The following SNX30 variants were observed in gnomAD, a reference collection of about 807,000 sequenced individuals.
SNX30 encodes the protein sorting nexin-30.
A neutral mutation model predicts 46.4 loss-of-function variants in SNX30; 24 were observed. That is an observed-to-expected ratio of 0.52 (90% confidence interval 0.37 to 0.73). The LOEUF (loss-of-function observed/expected upper bound fraction) is 0.73, where lower values mean the gene tolerates loss of function less well. Among genes scored for constraint, SNX30 ranks in the 30% least tolerant of loss-of-function variants. The pLI is 0.00. For missense variants in SNX30, 533 were observed against 555.7 expected (o/e 0.96, Z 0.41); for synonymous variants, 189 against 211.5 (o/e 0.89, Z 0.92).
chr9:112,822,439 C>T (rs549445594), intron 3 of SNX30, among the ~76,000 whole-genome samples: 22 of 151,570 alleles, frequency 1.5e-4, no homozygotes, highest in African/African-American at 4.8e-4. Flanking sequence ...GCATACGATT[C>T]GATAGGCTTG....
At chr9:112,791,658 C>T (rs1194957130) in intron 1 of SNX30, among the ~76,000 whole-genome samples, 1 of 152,024 alleles carries the variant, frequency 6.6e-6, no homozygotes, top group East Asian at 1.9e-4. Context: ...ATCCACCCGC[C>T]TTGGCCTCTC....
rs761237802 is a variant in SNX30, at chr9:112,817,867, C to G, written c.459+52C>G. The G allele has an allele frequency of 3.3e-6, 4 of 1,203,240 alleles. No homozygotes were observed. The South Asian group carries it at 4.9e-5, about 15-fold the overall frequency. 74.5% of individuals were successfully genotyped at this position (1,203,240 alleles called of 1,614,324 possible). On this transcript the variant is annotated intron_variant, in intron 3 of 8. Coordinates refer to ENST00000374232, the MANE Select transcript of SNX30 (RefSeq NM_001012994.2). The stretch of plus-strand genomic sequence containing the variant: ...TTCTCACTTGTCCTGTGTTGTCTTT[C>G]CTGAAGGGGTTCACTCAACTCTCAT...
rs1238962400 is a variant in SNX30 at position 112,872,435 on chromosome 9, TTC to T, written c.*3598_*3599del. The T allele has an allele frequency of 6.6e-6, 1 of 152,226 alleles. No homozygotes were observed. The highest frequency in any genetic ancestry group is 1.5e-5 in the Non-Finnish European group (1 of 68,072). The allele number at this position is 152,226 out of a possible 1,614,324, so 9.4% of individuals were successfully genotyped here. ...GACTGCGGGACAGTCATTCTTTACG[TTC>T]TCTCTTGAGCTGGTGAGAGAGGAGG... On this transcript the variant is annotated 3_prime_UTR_variant, in exon 9 of 9. Transcript: ENST00000374232.
chr9:112,854,154 C>T (rs10817399), intron 7 of SNX30, among the ~76,000 whole-genome samples: 121,693 of 152,234 alleles, frequency 0.8, 48,831 homozygotes, highest in South Asian at 0.87. Flanking sequence ...GCTGAAGGTT[C>T]GGAATAATAG....
At chr9:112,881,701 G>T (rs1841579630), downstream of SNX30, 1 of 152,244 alleles carries the variant, frequency 6.6e-6, no homozygotes, top group Admixed American at 6.5e-5. Context: ...GATCTGTGCT[G>T]AACACAGAAG....
At chr9:112,861,428 ATAT>A (rs1374378072) in intron 7 of SNX30, among the ~76,000 whole-genome samples, 2 of 152,090 alleles carry the variant, frequency 1.3e-5, no homozygotes, top group Non-Finnish European at 1.5e-5. Flanking sequence ...GAGGCGGAGG[ATAT>A]TATTAGCCAG....
intron 1 of SNX30, among the ~76,000 whole-genome samples, chr9:112,754,924 C>T (rs1210357187): frequency 6.6e-6 from 1 of 152,174 alleles, no homozygotes; most frequent in African/African-American, 2.4e-5. Context: ...CTACTTCCTG[C>T]CTCCTTAGGT....
chr9:112,776,660 A>T (rs192913957), intron 1 of SNX30, among the ~76,000 whole-genome samples: 1 of 152,362 alleles, frequency 6.6e-6, no homozygotes, highest in Non-Finnish European at 1.5e-5. Context: ...ACATGTATGT[A>T]TAGGCAGTGC....
intron 1 of SNX30, among the ~76,000 whole-genome samples, chr9:112,801,265 A>G (rs1840167905): frequency 4.1e-5 from 1 of 24,098 alleles, no homozygotes; most frequent in Admixed American, 4.9e-4. Flanking sequence ...TTTCTCTTGT[A>G]GGCATTTAGT....
chr9:112,867,569 A>C (rs1164289621), intron 8 of SNX30, among the ~76,000 whole-genome samples: 1 of 127,438 alleles, frequency 7.8e-6, no homozygotes, highest in Non-Finnish European at 1.6e-5. Flanking sequence ...AACTCCTTTC[A>C]CTTCCTCAGA....
At chr9:112,829,545 G>T (rs1307994599) in intron 3 of SNX30, among the ~76,000 whole-genome samples, 1 of 152,210 alleles carries the variant, frequency 6.6e-6, no homozygotes, top group Non-Finnish European at 1.5e-5. Flanking sequence ...GCCTCCCAAA[G>T]TGCTGGGATT....
chr9:112,768,734 G>T (rs1182017730), intron 1 of SNX30, among the ~76,000 whole-genome samples: 1 of 140,730 alleles, frequency 7.1e-6, no homozygotes, highest in Non-Finnish European at 1.5e-5. Flanking sequence ...TTGGCTCGCT[G>T]CAGCCTCTGT....
intron 7 of SNX30, among the ~76,000 whole-genome samples, chr9:112,858,330 G>A (rs546709985): frequency 1.3e-5 from 2 of 152,106 alleles, no homozygotes; most frequent in Admixed American, 1.3e-4. Flanking sequence ...GCCTGGGCAA[G>A]GTAGCAAGAC....
intron 1 of SNX30, among the ~76,000 whole-genome samples, chr9:112,775,426 G>A (rs1839728435): frequency 2.0e-5 from 3 of 152,128 alleles, no homozygotes; most frequent in African/African-American, 4.8e-5. Flanking sequence ...GGGATTACAG[G>A]TGTGAGCCAC....
chr9:112,836,519 G>T (rs1242474644), intron 5 of SNX30, 110 bp downstream of exon 5: 2 of 1,206,856 alleles, frequency 1.7e-6, no homozygotes, highest in Non-Finnish European at 2.3e-6. Context: ...GACAGAACTA[G>T]GCCATCTTTT....
At chr9:112,821,237 AT>A (rs1840488147) in intron 3 of SNX30, among the ~76,000 whole-genome samples, 1 of 152,138 alleles carries the variant, frequency 6.6e-6, no homozygotes, top group Admixed American at 6.5e-5. Context: ...GTGCTATCTC[AT>A]TGTGATTTTA....
intron 2 of SNX30, among the ~76,000 whole-genome samples, chr9:112,806,325 A>T (rs1293204228): frequency 6.6e-6 from 1 of 152,174 alleles, no homozygotes; most frequent in African/African-American, 2.4e-5. Context: ...TCACATTATC[A>T]CTTTGTATCT....
intron 1 of SNX30, among the ~76,000 whole-genome samples, chr9:112,766,238 C>G (rs1420407981): frequency 6.6e-6 from 1 of 152,162 alleles, no homozygotes; most frequent in Non-Finnish European, 1.5e-5. Flanking sequence ...TTCCTCCACC[C>G]CTCCAGTGTT....
At chr9:112,811,794 C>T (rs1206012453) in intron 2 of SNX30, among the ~76,000 whole-genome samples, 1 of 152,102 alleles carries the variant, frequency 6.6e-6, no homozygotes, top group East Asian at 1.9e-4. Context: ...TAGTGGTTGT[C>T]TCTGATTATG....
Sources: allele counts gnomAD v4.1 joint callset (sites outside exome capture counted in the v4.1 genomes callset), GRCh38; gene constraint gnomAD v4.1.1; transcripts MANE v1.5; gene names NCBI Gene and HGNC (gene_info 2026-07-23, HGNC 2026-07-21).